BIRC2: variants seen among roughly 807,000 people sequenced by gnomAD.
BIRC2 encodes baculoviral IAP repeat-containing protein 2.
In BIRC2, 18 loss-of-function variants were observed where a neutral mutation model predicts 60.9. The observed-to-expected ratio is 0.30, with a 90% CI of 0.20 to 0.44. The LOEUF is 0.44. Among genes scored for constraint, BIRC2 ranks in the 20% least tolerant of loss-of-function variants. The pLI is 1.00. For synonymous variants in BIRC2, 282 were observed against 247.7 expected (o/e 1.14, Z -1.30); for missense variants, 701 against 728.5 (o/e 0.96, Z 0.43).
At chr11:102,372,738 C>T (rs1334180329) in intron 6 of BIRC2, among the ~76,000 whole-genome samples, 8 of 130,704 alleles carry the variant, frequency 6.1e-5, no homozygotes, top group Middle Eastern at 7.0e-3. Context: ...CTTTCTGTCT[C>T]GTTGATCTGT....
At chr11:102,368,606 C>T (rs1951580679) in intron 6 of BIRC2, 58 bp downstream of exon 6, 4 of 1,577,258 alleles carry the variant, frequency 2.5e-6, no homozygotes, top group Non-Finnish European at 3.4e-6. Context: ...AGGACTGTCT[C>T]ACATGTTACA....
chr11:102,378,177 C>G lies in BIRC2; in HGVS notation c.1851C>G (p.Leu617=), dbSNP rs753454908. The G allele has an allele frequency of 3.2e-6, 5 of 1,578,284 alleles. No homozygotes were observed. The highest frequency in any genetic ancestry group is 2.6e-6 in the Non-Finnish European group (3 of 1,167,400). ...GIIKGTVRTF[L]S is the part of the protein sequence containing the mutation. ...TCAAGGGTACTGTTCGTACATTTCTCTCTTAAAGAAAAATAGTCTATATTT... is the reference window on the plus strand; with the variant it reads ...TCAAGGGTACTGTTCGTACATTTCTGTCTTAAAGAAAAATAGTCTATATTT... The change falls in exon 9 of 9, where the codon CTC becomes CTG. Residue 617 remains leucine (L), a synonymous_variant. Coordinates refer to ENST00000227758, the MANE Select transcript of BIRC2 (RefSeq NM_001166.5).
In BIRC2 at chr11:102,348,775, T is replaced by C; in HGVS notation, c.-1080T>C. On this transcript the variant is annotated 5_prime_UTR_variant, in exon 2 of 9. Transcript: ENST00000227758. ...GTTTTCAGAAAGAAGGCTAGTAGAG[T>C]TGATTACTGATACTTTATGCTAAGC... 2.8e-6 allele frequency: 1 copy of C among 356,672 alleles called. No homozygotes were observed. The highest frequency in any genetic ancestry group is 5.4e-6 in the Non-Finnish European group (1 of 185,886). 22.1% of individuals were successfully genotyped at this position (356,672 alleles called of 1,614,324 possible). A position where few individuals can be genotyped will look rare whatever the true frequency, so the allele number is the denominator to read the frequency against.
intron 6 of BIRC2, among the ~76,000 whole-genome samples, chr11:102,374,842 G>C (rs565755853): frequency 2.8e-4 from 43 of 152,352 alleles, no homozygotes; most frequent in Non-Finnish European, 4.7e-4. Flanking sequence ...AGGACCCTCC[G>C]AGCCAGGTGT....
At chr11:102,348,370 G>T (rs963004507) in intron 1 of BIRC2, 1 of 152,802 alleles carries the variant, frequency 6.5e-6, no homozygotes, top group Admixed American at 6.5e-5. Context: ...CTCTGAAGTT[G>T]TGCGTTTTAA....
At chr11:102,377,473 TTC>T (rs1389161560) in intron 6 of BIRC2, 21 bp from the exon 7 acceptor site, 3 of 1,570,998 alleles carry the variant, frequency 1.9e-6, no homozygotes, top group African/African-American at 2.8e-5. Flanking sequence ...TCTAATGGAT[TTC>T]TTTTTCTTTT....
rs1951511751 is a variant in BIRC2, at chr11:102,363,738, G to A, written c.1123+22G>A. 5 of 1,587,414 alleles carry A rather than the reference G, an allele frequency of 3.1e-6. No homozygotes were observed. The African/African-American group carries it at 4.0e-5, about 13-fold the overall frequency. On this transcript the variant is annotated intron_variant, in intron 5 of 8. Coordinates refer to ENST00000227758, the MANE Select transcript of BIRC2 (RefSeq NM_001166.5). ...CCAAGTATGTATGAGATAATTTTAAGTATAGAGTGTAAATTTTTATAAGAA... is the reference window on the plus strand; with the variant it reads ...CCAAGTATGTATGAGATAATTTTAAATATAGAGTGTAAATTTTTATAAGAA...
chr11:102,366,805 A>C (rs147969951), intron 5 of BIRC2, among the ~76,000 whole-genome samples: 1 of 152,176 alleles, frequency 6.6e-6, no homozygotes, highest in Non-Finnish European at 1.5e-5. Flanking sequence ...ACACAAGTCA[A>C]GTTTTATCAG....
In BIRC2 at chr11:102,348,494, G is replaced by C. The variant is rs570183459; in HGVS notation, c.-1257-104G>C. 35 of 163,590 alleles carry C rather than the reference G, an allele frequency of 2.1e-4. 1 individual carries two copies. In the South Asian group the frequency reaches 2.2e-3, roughly 10 times the overall value. 10.1% of individuals were successfully genotyped at this position (163,590 alleles called of 1,614,324 possible). On this transcript the variant is annotated intron_variant, in intron 1 of 8. Coordinates refer to ENST00000227758, the MANE Select transcript of BIRC2 (RefSeq NM_001166.5). ...CTGGAATTAAGATGTATTATCTAAA[G>C]TGTGAATTATTCTTAGACTTTACTG...
rs1405520955 is a variant in BIRC2, at chr11:102,349,866, T to C, written c.12T>C (p.Thr4=). The part of the protein sequence containing the change: MHK[T]ASQRLFPGPS... ...ACTGTCACCTACTCATGCACAAAAC[T>C]GCCTCCCAAAGACTTTTCCCAGGTC... Residue 4 remains threonine, a synonymous_variant, in exon 2 of 9, where the codon ACT becomes ACC. Transcript: ENST00000227758. 1 of 1,604,256 alleles carries C rather than the reference T, an allele frequency of 6.2e-7. No individual in the cohort carries two copies. Among genetic ancestry groups the C allele is most frequent in the Admixed American group, 1.7e-5 (1 of 59,236 alleles).
At chr11:102,360,315 T>A (rs1480357286) in intron 3 of BIRC2, among the ~76,000 whole-genome samples, 1 of 152,024 alleles carries the variant, frequency 6.6e-6, no homozygotes, top group Non-Finnish European at 1.5e-5. Flanking sequence ...GTCCTATAAT[T>A]CAGGTAGGCT....
Position 102,377,609 on chromosome 11 carries a change from GA to G in BIRC2, c.1481del (p.Asp494ValfsTer16). The G allele has an allele frequency of 1.2e-6, 2 of 1,611,822 alleles. No individual in the cohort carries two copies. Among genetic ancestry groups the G allele is most frequent in the Non-Finnish European group, 1.7e-6 (2 of 1,179,216 alleles). On this transcript the variant is annotated frameshift_variant, in exon 7 of 9. Coordinates refer to ENST00000227758, the MANE Select transcript of BIRC2 (RefSeq NM_001166.5). LOFTEE classifies it high-confidence loss of function. The part of the protein sequence containing the change: ...KANVINKQEH[D>X]IIKQKTQIPL... ...CAATGTAATTAATAAACAGGAACAT[GA>G]TATTATTAAACAAAAAACACAGATA...
chr11:102,370,106 T>G (rs1363248404), intron 6 of BIRC2, among the ~76,000 whole-genome samples: 13 of 150,464 alleles, frequency 8.6e-5, no homozygotes, highest in African/African-American at 2.9e-4. Context: ...TTTCTCCCAT[T>G]TTGTAGGTTG....
chr11:102,362,821 G>A, intron 3 of BIRC2, 75 bp from the exon 4 acceptor site: 2 of 1,170,724 alleles, frequency 1.7e-6, no homozygotes, highest in Non-Finnish European at 2.5e-6. Flanking sequence ...AGATTTGAAA[G>A]CCATTTTTCT....
chr11:102,360,338 CT>C (rs1265503383), intron 3 of BIRC2, among the ~76,000 whole-genome samples: 1 of 148,590 alleles, frequency 6.7e-6, no homozygotes, highest in African/African-American at 2.5e-5. Flanking sequence ...CTCCACTATT[CT>C]TTTTTTTTTC....
chr11:102,377,120 A>C (rs924750665), intron 6 of BIRC2, among the ~76,000 whole-genome samples: 15 of 152,246 alleles, frequency 9.9e-5, no homozygotes, highest in Non-Finnish European at 1.8e-4. Flanking sequence ...GCCTTGTTTA[A>C]TTGACAGGAT....
At chr11:102,366,071 A>G (rs971824137) in intron 5 of BIRC2, among the ~76,000 whole-genome samples, 1 of 152,162 alleles carries the variant, frequency 6.6e-6, no homozygotes, top group African/African-American at 2.4e-5. Context: ...CTGAGCCCCA[A>G]GCTGGAATGT....
chr11:102,365,217 T>A (rs2135815733), intron 5 of BIRC2, among the ~76,000 whole-genome samples: 1 of 152,320 alleles, frequency 6.6e-6, no homozygotes, highest in Non-Finnish European at 1.5e-5. Context: ...CATCCCCTAC[T>A]GTCAACTTAA....
chr11:102,353,593 C>G (rs898411910), intron 3 of BIRC2, among the ~76,000 whole-genome samples: 1 of 151,624 alleles, frequency 6.6e-6, no homozygotes, highest in Admixed American at 6.6e-5. Flanking sequence ...GCTGGGCTTA[C>G]AGGCATGAGC....
Sources: allele counts gnomAD v4.1 joint callset (sites outside exome capture counted in the v4.1 genomes callset), GRCh38; gene constraint gnomAD v4.1.1; transcripts MANE v1.5; gene names NCBI Gene and HGNC (gene_info 2026-07-23, HGNC 2026-07-21).